The following ANKRD44 variants were observed in gnomAD, a reference collection of about 807,000 sequenced individuals.
ANKRD44 encodes serine/threonine-protein phosphatase 6 regulatory ankyrin repeat subunit B.
In ANKRD44, 35 loss-of-function variants were observed where a neutral mutation model predicts 116.0. The ratio of observed to expected loss-of-function variants is 0.30; its 90% CI spans 0.23 to 0.40. The LOEUF is 0.40. Among genes scored for constraint, ANKRD44 ranks in the 10% least tolerant of loss-of-function variants. The probability of loss-of-function intolerance (pLI) is 1.00; values close to 1 mark genes in which losing one functional copy is unlikely to be tolerated. For synonymous variants in ANKRD44, 435 were observed against 461.8 expected (o/e 0.94, Z 0.74); for missense variants, 1,014 against 1,242.6 (o/e 0.82, Z 2.77).
intron 1 of ANKRD44, among the ~76,000 whole-genome samples, chr2:197,295,975 A>G (rs1378828926): frequency 1.3e-5 from 2 of 152,092 alleles, no homozygotes; most frequent in Non-Finnish European, 2.9e-5. Flanking sequence ...GGATCACCTG[A>G]GCCCAGGAGG....
chr2:197,237,265 A>T (rs1033855659), intron 1 of ANKRD44, among the ~76,000 whole-genome samples: 6 of 152,262 alleles, frequency 3.9e-5, no homozygotes, highest in African/African-American at 1.4e-4. Flanking sequence ...CAAAACAAAG[A>T]TGAATCAATT....
chr2:197,237,073 G>A (rs1422411349), intron 1 of ANKRD44, among the ~76,000 whole-genome samples: 1 of 152,188 alleles, frequency 6.6e-6, no homozygotes, highest in African/African-American at 2.4e-5. Flanking sequence ...GCATAGACTC[G>A]TTTTTAGAGC....
chr2:197,281,485 G>A (rs376150934), intron 1 of ANKRD44, among the ~76,000 whole-genome samples: 4 of 152,000 alleles, frequency 2.6e-5, no homozygotes, highest in East Asian at 3.9e-4. Flanking sequence ...AGCTTAAACT[G>A]AAAAAACATC....
In ANKRD44 at chr2:197,212,022, CCT is replaced by C. The variant is rs5837530; in HGVS notation, c.28-24918_28-24917del. 0.93 allele frequency among the ~76,000 whole-genome samples: 138,066 copies of C among 148,616 alleles called. 64,540 individuals are homozygous for C. Among genetic ancestry groups the C allele is most frequent in the East Asian group, 1 (5,085 of 5,086 alleles). ...ATGCACGGGAATTCCCTTCACTGAG[CCT>C]CTCTCTCTCTCTCAGTCTCTCTCTC... On this transcript the variant is annotated intron_variant, in intron 1 of 27. Transcript: ENST00000282272. The surrounding 1 kb of genome is among the most constrained non-coding windows in gnomAD (Gnocchi z 4.8).
In ANKRD44 at chr2:197,189,899, T is replaced by C. The variant is rs540429488; in HGVS notation, c.28-2793A>G. On this transcript the variant is annotated intron_variant, in intron 1 of 27. Transcript: ENST00000282272. Reference sequence around the variant, plus strand: ...GCGAGTGTACGGAATACATACATTCTGTTGCATTCACTCCGTCCTCACACT... The same window carrying C: ...GCGAGTGTACGGAATACATACATTCCGTTGCATTCACTCCGTCCTCACACT... Among the ~76,000 whole-genome samples, 4 of 152,292 alleles carry C rather than the reference T, an allele frequency of 2.6e-5. No homozygotes were observed. The East Asian group carries it at 5.8e-4, about 22-fold the overall frequency.
chr2:196,991,599 G>C (rs1010676089), intron 27 of ANKRD44, among the ~76,000 whole-genome samples: 2 of 151,140 alleles, frequency 1.3e-5, no homozygotes, highest in Non-Finnish European at 3.0e-5. Flanking sequence ...TTTTTTTTTT[G>C]ACAGAGTTTC....
intron 1 of ANKRD44, among the ~76,000 whole-genome samples, chr2:197,218,917 G>A (rs1207514325): frequency 2.7e-5 from 4 of 150,170 alleles, no homozygotes; most frequent in Non-Finnish European, 1.5e-5. Context: ...CCACCACCAC[G>A]CCCAGCTAAT....
chr2:197,150,986 T>C (rs1447268530), intron 2 of ANKRD44, among the ~76,000 whole-genome samples: 2 of 152,036 alleles, frequency 1.3e-5, no homozygotes, highest in Non-Finnish European at 2.9e-5. Context: ...GGTAGGGGAA[T>C]AAAAATGTTT....
At chr2:197,103,503 T>C (rs2078351855) in intron 9 of ANKRD44, among the ~76,000 whole-genome samples, 1 of 152,074 alleles carries the variant, frequency 6.6e-6, no homozygotes, top group Non-Finnish European at 1.5e-5. Flanking sequence ...AGGCAGAAAC[T>C]AGATTAGTGG....
At chr2:197,166,658 T>C (rs1317516562) in intron 2 of ANKRD44, among the ~76,000 whole-genome samples, 1 of 99,178 alleles carries the variant, frequency 1.0e-5, no homozygotes, top group Non-Finnish European at 2.2e-5. Flanking sequence ...TTTCATGGAT[T>C]ATGCTCAGAA....
At chr2:197,298,375 G>T (rs2083787447) in intron 1 of ANKRD44, among the ~76,000 whole-genome samples, 1 of 152,192 alleles carries the variant, frequency 6.6e-6, no homozygotes, top group Non-Finnish European at 1.5e-5. Flanking sequence ...TTTGACTCAA[G>T]TTATGGAGCC....
At chr2:197,036,925 A>G (rs1427390230) in intron 16 of ANKRD44, among the ~76,000 whole-genome samples, 2 of 152,236 alleles carry the variant, frequency 1.3e-5, no homozygotes, top group Non-Finnish European at 2.9e-5. Context: ...CCTAAATTGT[A>G]GAAGAGCTAA....
intron 4 of ANKRD44, among the ~76,000 whole-genome samples, chr2:197,132,369 T>A (rs1387129160): frequency 1.3e-5 from 2 of 152,250 alleles, no homozygotes; most frequent in Admixed American, 6.5e-5. Flanking sequence ...TATGTCTTGA[T>A]CTACTTTCTT....
At chr2:197,298,286 A>G (rs1454942723) in intron 1 of ANKRD44, among the ~76,000 whole-genome samples, 1 of 152,188 alleles carries the variant, frequency 6.6e-6, no homozygotes, top group Non-Finnish European at 1.5e-5. Context: ...TTCCCTTCCA[A>G]ATATCTTACA....
At chr2:196,991,011 T>C (rs1356040335) in intron 27 of ANKRD44, 1 of 1,134,884 alleles carries the variant, frequency 8.8e-7, no homozygotes, top group Non-Finnish European at 1.1e-6. Flanking sequence ...TCTCGGATGA[T>C]CTCACAGGCG....
chr2:197,171,625 C>T (rs1042346221), intron 2 of ANKRD44, among the ~76,000 whole-genome samples: 3 of 152,170 alleles, frequency 2.0e-5, no homozygotes, highest in African/African-American at 7.2e-5. Flanking sequence ...AAGATATGCA[C>T]TTGTCAAAAC....
intron 16 of ANKRD44, among the ~76,000 whole-genome samples, chr2:197,057,729 A>G (rs2077230030): frequency 6.6e-6 from 1 of 152,166 alleles, no homozygotes; most frequent in African/African-American, 2.4e-5. Context: ...ATGGCGGCAC[A>G]TGCCTGTAAT....
intron 1 of ANKRD44, among the ~76,000 whole-genome samples, chr2:197,291,064 C>T (rs2083555917): frequency 6.6e-6 from 1 of 151,966 alleles, no homozygotes; most frequent in Non-Finnish European, 1.5e-5. Flanking sequence ...CAAAGATTTG[C>T]CAGGCATGCT....
chr2:196,979,529 C>T (rs1008194738), intron 21 of ANKRD44, among the ~76,000 whole-genome samples: 4 of 145,932 alleles, frequency 2.7e-5, no homozygotes, highest in African/African-American at 1.0e-4. Flanking sequence ...AATTAAAAAG[C>T]AGCCTGAGTA....
Sources: gnomAD v4.1 joint callset for allele counts (sites outside exome capture counted in the v4.1 genomes callset) on GRCh38, gnomAD v4.1.1 for gene constraint, Gnocchi (gnomAD v3.1) non-coding constraint, MANE v1.5 for transcripts, NCBI Gene and HGNC (gene_info 2026-07-23, HGNC 2026-07-21) for gene names.